CCR2: variants seen among roughly 807,000 people sequenced by gnomAD.
The protein encoded by CCR2 is C-C motif chemokine receptor 2, also known as C-C chemokine receptor type 2.
For synonymous variants in CCR2, 183 were observed against 177.1 expected, an observed-to-expected ratio of 1.03 and a Z score of -0.27; for missense variants, 408 against 440.0, an observed-to-expected ratio of 0.93 and a Z score of 0.65.
intron 1 of CCR2, among the ~76,000 whole-genome samples, chr3:46,355,296 G>A (rs922003762): frequency 6.6e-6 from 1 of 152,126 alleles, no homozygotes; most frequent in African/African-American, 2.4e-5. Flanking sequence ...AGGGTGAATA[G>A]AAGCTCACCA....
rs1559563726 is a variant in CCR2 at position 46,360,773 on chromosome 3, AAAG to A, written c.*2167_*2169del. 1 of 152,236 alleles carries A rather than the reference AAAG, an allele frequency of 6.6e-6. No homozygotes were observed. Among genetic ancestry groups the A allele is most frequent in the Non-Finnish European group, 1.5e-5 (1 of 68,044 alleles). 9.4% of individuals were successfully genotyped at this position (152,236 alleles called of 1,614,324 possible). A position where few individuals can be genotyped will look rare whatever the true frequency, so the allele number is the denominator to read the frequency against. ...GCCACATGGCTAAAGAAGGTTTCAG[AAAG>A]AAGTGGGGACAGAGCAGAACTTTCA... On this transcript the variant is annotated 3_prime_UTR_variant, in exon 2 of 2. Coordinates refer to ENST00000445132, the MANE Select transcript of CCR2 (RefSeq NM_001123396.4).
intron 1 of CCR2, among the ~76,000 whole-genome samples, chr3:46,354,694 CACTGTAGTAGAAGCT>C (rs997244239): frequency 1.3e-5 from 2 of 152,186 alleles, no homozygotes; most frequent in Non-Finnish European, 2.9e-5. Context: ...GCTCATTGTT[CACTGTAGTAGAAGCT>C]ACATGCTAGC....
chr3:46,359,437 C>G lies in CCR2; in HGVS notation c.*827C>G. On this transcript the variant is annotated 3_prime_UTR_variant, in exon 2 of 2. Transcript: ENST00000445132. ...CAATATATATAGGCTCTTGCTTGAT[C>G]TCTCCAGGAGGTAGTGATTATGAGA... The G allele has an allele frequency of 9.1e-7, 1 of 1,104,080 alleles. No individual in the cohort carries two copies. The highest frequency in any genetic ancestry group is 3.2e-4 in the Middle Eastern group (1 of 3,084). The allele number at this position is 1,104,080 out of a possible 1,614,324, so 68.4% of individuals were successfully genotyped here.
chr3:46,354,456 G>T (rs1701415815), intron 1 of CCR2, among the ~76,000 whole-genome samples: 1 of 152,134 alleles, frequency 6.6e-6, no homozygotes, highest in Admixed American at 6.5e-5. Context: ...ACACCCAGGG[G>T]CTCACTCTGC....
In CCR2 at chr3:46,359,903, G is replaced by T. The variant is rs769562139; in HGVS notation, c.*1293G>T. The T allele has an allele frequency of 3.9e-6, 6 of 1,557,248 alleles. No individual in the cohort carries two copies. The highest frequency in any genetic ancestry group is 5.3e-6 in the Non-Finnish European group (6 of 1,135,448). On this transcript the variant is annotated 3_prime_UTR_variant, in exon 2 of 2. Transcript: ENST00000445132. The stretch of plus-strand genomic sequence containing the variant: ...CTCTGCTTTGGAAATCACACGTCTG[G>T]CTTCACAGATGTGTGATTCACAGTG...
rs1701495941 is a variant in CCR2 at position 46,358,457 on chromosome 3, G to A, written c.930G>A (p.Glu310=). The change falls in exon 2 of 2, where the codon GAG becomes GAA. Residue 310 remains glutamate (E), a synonymous_variant. Coordinates refer to ENST00000445132, the MANE Select transcript of CCR2 (RefSeq NM_001123396.4). ...CCATCATCTATGCCTTCGTTGGGGA[G>A]AAGTTCAGAAGGTATCTCTCGGTGT... ...INPIIYAFVG[E]KFRRYLSVFF... is the part of the protein sequence containing the mutation. The A allele has an allele frequency of 2.5e-6, 4 of 1,613,848 alleles. No homozygotes were observed. Among genetic ancestry groups the A allele is most frequent in the Non-Finnish European group, 3.4e-6 (4 of 1,180,004 alleles).
Position 46,359,861 on chromosome 3 carries a change from A to T in CCR2, c.*1251A>T. On this transcript the variant is annotated 3_prime_UTR_variant, in exon 2 of 2. Transcript: ENST00000445132. ...TCTTCAGGACAAAGAAGGAGCCTAG[A>T]GACAGAAATGACAGATCTCTGCTTT... is the stretch of plus-strand genomic sequence containing the variant. 1 of 1,612,586 alleles carries T rather than the reference A, an allele frequency of 6.2e-7. No individual in the cohort carries two copies. Among genetic ancestry groups the T allele is most frequent in the Non-Finnish European group, 8.5e-7 (1 of 1,179,556 alleles).
Position 46,359,076 on chromosome 3 carries a change from G to T in CCR2, c.*466G>T. 1 of 1,012,184 alleles carries T rather than the reference G, an allele frequency of 9.9e-7. No individual in the cohort carries two copies. The highest frequency in any genetic ancestry group is 1.2e-6 in the Non-Finnish European group (1 of 837,026). 62.7% of individuals were successfully genotyped at this position (1,012,184 alleles called of 1,614,324 possible). A position where few individuals can be genotyped will look rare whatever the true frequency, so the allele number is the denominator to read the frequency against. The stretch of plus-strand genomic sequence containing the variant: ...TGGACAAAGACAAAGGTGAGCAAAG[G>T]GCTCACGCATTCAGCCAGGAGATGA... On this transcript the variant is annotated 3_prime_UTR_variant, in exon 2 of 2. Transcript: ENST00000445132.
rs760736040 is a variant in CCR2 at position 46,358,175 on chromosome 3, C to T, written c.648C>T (p.Leu216=). Residue 216 remains leucine (L), a synonymous_variant, in exon 2 of 2, where the codon CTC becomes CTT. Coordinates refer to ENST00000445132, the MANE Select transcript of CCR2 (RefSeq NM_001123396.4). ...TTTTGGGGCTGGTCCTGCCGCTGCT[C>T]ATCATGGTCATCTGCTACTCGGGAA... ...RNILGLVLPL[L]IMVICYSGIL... is the part of the protein sequence containing the mutation. The T allele has an allele frequency of 8.5e-5, 137 of 1,614,192 alleles. 1 individual carries two copies. The highest frequency in any genetic ancestry group is 8.2e-4 in the Middle Eastern group (5 of 6,062).
At position 46,359,207 on chromosome 3, in the gene CCR2, A is replaced by G; in HGVS notation, c.*597A>G. The G allele has an allele frequency of 1.0e-6, 1 of 1,004,596 alleles. No homozygotes were observed. The highest frequency in any genetic ancestry group is 1.2e-6 in the Non-Finnish European group (1 of 832,890). The allele number at this position is 1,004,596 out of a possible 1,614,324, so 62.2% of individuals were successfully genotyped here. A position where few individuals can be genotyped will look rare whatever the true frequency, so the allele number is the denominator to read the frequency against. On this transcript the variant is annotated 3_prime_UTR_variant, in exon 2 of 2. Coordinates refer to ENST00000445132, the MANE Select transcript of CCR2 (RefSeq NM_001123396.4). ...AACCTGGGAGTTTTGGTGGAGTCCGATGATTCTCTTTTGCATAAGTGCATG... is the reference window on the plus strand; with the variant it reads ...AACCTGGGAGTTTTGGTGGAGTCCGGTGATTCTCTTTTGCATAAGTGCATG...
In CCR2 at chr3:46,357,936, G is replaced by C; in HGVS notation, c.409G>C (p.Asp137His). Residue 137 changes from aspartate to histidine, a missense_variant, in exon 2 of 2, where the codon GAT (aspartate) becomes CAT (histidine). Asp to His is a moderately conservative substitution (Grantham distance 81). Transcript: ENST00000445132. The stretch of plus-strand genomic sequence containing the variant: ...CTTCTTCATCATCCTCCTGACAATC[G>C]ATAGATACCTGGCTATTGTCCATGC... ...GIFFIILLTI[D>H]RYLAIVHAVF... 6.2e-7 allele frequency: 1 copy of C among 1,614,126 alleles called. No homozygotes were observed. The highest frequency in any genetic ancestry group is 8.5e-7 in the Non-Finnish European group (1 of 1,180,016).
At position 46,359,868 on chromosome 3, in the gene CCR2, A is replaced by T. The variant is rs572086175; in HGVS notation, c.*1258A>T. ...GACAAAGAAGGAGCCTAGAGACAGA[A>T]ATGACAGATCTCTGCTTTGGAAATC... On this transcript the variant is annotated 3_prime_UTR_variant, in exon 2 of 2. Transcript: ENST00000445132. 7 of 1,611,430 alleles carry T rather than the reference A, an allele frequency of 4.3e-6. No homozygotes were observed. The East Asian group carries it at 8.9e-5, about 21-fold the overall frequency.
In CCR2 at chr3:46,358,000, T is replaced by A; in HGVS notation, c.473T>A (p.Val158Glu). 1 of 1,614,204 alleles carries A rather than the reference T, an allele frequency of 6.2e-7. No individual in the cohort carries two copies. The highest frequency in any genetic ancestry group is 8.5e-7 in the Non-Finnish European group (1 of 1,180,014). The change falls in exon 2 of 2, where the codon GTG becomes GAG. Residue 158 changes from valine to glutamate, a missense_variant. Coordinates refer to ENST00000445132, the MANE Select transcript of CCR2 (RefSeq NM_001123396.4). Reference protein sequence around the residue: ...ALKARTVTFGVVTSVITWLVA... With the variant: ...ALKARTVTFGEVTSVITWLVA... ...AAAGCCAGGACGGTCACCTTTGGGG[T>A]GGTGACAAGTGTGATCACCTGGTTG...
chr3:46,359,164 G>A lies in CCR2; in HGVS notation c.*554G>A, dbSNP rs907820425. The A allele has an allele frequency of 9.9e-7, 1 of 1,005,138 alleles. No individual in the cohort carries two copies. Among genetic ancestry groups the A allele is most frequent in the Admixed American group, 5.9e-5 (1 of 17,068 alleles). The allele number at this position is 1,005,138 out of a possible 1,614,324, so 62.3% of individuals were successfully genotyped here. A position where few individuals can be genotyped will look rare whatever the true frequency, so the allele number is the denominator to read the frequency against. ...CTTGAAGGGTTCACCAGGTCAGGGA[G>A]AGTTTGGGAACTGCAATAACCTGGG... is the stretch of plus-strand genomic sequence containing the variant. On this transcript the variant is annotated 3_prime_UTR_variant, in exon 2 of 2. Transcript: ENST00000445132.
chr3:46,358,973 G>C lies in CCR2; in HGVS notation c.*363G>C. ...TGGAGGTGAAGAAGAGAATGTGACA[G>C]GCACAGATGAATGGGAGTGAGGGAT... is the stretch of plus-strand genomic sequence containing the variant. On this transcript the variant is annotated 3_prime_UTR_variant, in exon 2 of 2. Coordinates refer to ENST00000445132, the MANE Select transcript of CCR2 (RefSeq NM_001123396.4). 9.4e-7 allele frequency: 1 copy of C among 1,067,034 alleles called. No individual in the cohort carries two copies. Among genetic ancestry groups the C allele is most frequent in the Non-Finnish European group, 1.1e-6 (1 of 870,508 alleles). 66.1% of individuals were successfully genotyped at this position (1,067,034 alleles called of 1,614,324 possible).
Position 46,359,984 on chromosome 3 carries a change from C to A in CCR2, c.*1374C>A. 1.1e-6 allele frequency: 1 copy of A among 905,832 alleles called. No individual in the cohort carries two copies. Among genetic ancestry groups the A allele is most frequent in the Non-Finnish European group, 1.7e-6 (1 of 604,862 alleles). 56.1% of individuals were successfully genotyped at this position (905,832 alleles called of 1,614,324 possible). A position where few individuals can be genotyped will look rare whatever the true frequency, so the allele number is the denominator to read the frequency against. On this transcript the variant is annotated 3_prime_UTR_variant, in exon 2 of 2. Transcript: ENST00000445132. ...AAGGCTGAGAGGAGAGAGACTCCAGCTGGGTTGGAAAACAGTATTTTCCAA... is the reference window on the plus strand; with the variant it reads ...AAGGCTGAGAGGAGAGAGACTCCAGATGGGTTGGAAAACAGTATTTTCCAA...
Position 46,360,008 on chromosome 3 carries a change from A to G in CCR2, c.*1398A>G. 1 of 670,654 alleles carries G rather than the reference A, an allele frequency of 1.5e-6. No individual in the cohort carries two copies. Among genetic ancestry groups the G allele is most frequent in the Non-Finnish European group, 2.4e-6 (1 of 408,652 alleles). 41.5% of individuals were successfully genotyped at this position (670,654 alleles called of 1,614,324 possible). A position where few individuals can be genotyped will look rare whatever the true frequency, so the allele number is the denominator to read the frequency against. On this transcript the variant is annotated 3_prime_UTR_variant, in exon 2 of 2. Coordinates refer to ENST00000445132, the MANE Select transcript of CCR2 (RefSeq NM_001123396.4). ...GCTGGGTTGGAAAACAGTATTTTCC[A>G]AACTACCTTCCAGTTCCTCATTTTT...
Position 46,358,388 on chromosome 3 carries a change from G to A in CCR2, c.861G>A (p.Thr287=), listed in dbSNP as rs199623670. ...CESTSQLDQA[T]QVTETLGMTH... is the part of the protein sequence containing the mutation. ...GCACCAGTCAACTGGACCAAGCCAC[G>A]CAGGTGACAGAGACTCTTGGGATGA... The change falls in exon 2 of 2, where the codon ACG becomes ACA. Residue 287 remains threonine, a synonymous_variant. Coordinates refer to ENST00000445132, the MANE Select transcript of CCR2 (RefSeq NM_001123396.4). The A allele has an allele frequency of 3.8e-4, 609 of 1,614,062 alleles. 1 individual carries two copies. In the South Asian group the frequency reaches 6.0e-3, roughly 16 times the overall value.
Position 46,359,657 on chromosome 3 carries a change from C to G in CCR2, c.*1047C>G, listed in dbSNP as rs1304399786. Reference sequence around the variant, plus strand: ...TTTCCCTGCCTTGCCACTCCCCTCACTCTTCTCTTTTCCCCACAGCCTTTT... The same window carrying G: ...TTTCCCTGCCTTGCCACTCCCCTCAGTCTTCTCTTTTCCCCACAGCCTTTT... On this transcript the variant is annotated 3_prime_UTR_variant, in exon 2 of 2. Transcript: ENST00000445132. The G allele has an allele frequency of 6.2e-7, 1 of 1,602,150 alleles. No individual in the cohort carries two copies. Among genetic ancestry groups the G allele is most frequent in the Admixed American group, 1.8e-5 (1 of 56,632 alleles).
Sources: gnomAD v4.1 joint callset for allele counts (sites outside exome capture counted in the v4.1 genomes callset) on GRCh38, gnomAD v4.1.1 for gene constraint, MANE v1.5 for transcripts, NCBI Gene and HGNC (gene_info 2026-07-23, HGNC 2026-07-21) for gene names.